The following SYNC variants were observed in gnomAD, a reference collection of about 807,000 sequenced individuals.
SYNC encodes syncoilin.
A neutral mutation model predicts 49.5 loss-of-function variants in SYNC; 38 were observed. The ratio of observed to expected loss-of-function variants is 0.77; its 90% CI spans 0.59 to 1.01. The LOEUF is 1.01. Among genes scored for constraint, SYNC ranks in the 50% least tolerant of loss-of-function variants. The pLI, the probability that SYNC is intolerant of heterozygous loss-of-function variation, is 0.00. For missense variants in SYNC, 579 were observed against 580.6 expected (o/e 1.00, Z 0.03); for synonymous variants, 201 against 230.8 (o/e 0.87, Z 1.17).
Position 32,695,325 on chromosome 1 carries a change from T to C in SYNC, c.773A>G (p.Tyr258Cys). The C allele has an allele frequency of 6.4e-7, 1 of 1,551,672 alleles. No individual in the cohort carries two copies. The highest frequency in any genetic ancestry group is 8.7e-7 in the Non-Finnish European group (1 of 1,147,060). Residue 258 changes from tyrosine to cysteine, a missense_variant, in exon 2 of 5, where the codon TAC (tyrosine) becomes TGC (cysteine). Tyr to Cys is a radical substitution (Grantham distance 194). Transcript: ENST00000409190. Reference sequence around the variant, plus strand: ...GTCCTGCTGGCGGCACTCCAGCTGGTATTGGTAGGCCACACATTCCTTTGT... The same window carrying C: ...GTCCTGCTGGCGGCACTCCAGCTGGCATTGGTAGGCCACACATTCCTTTGT... ...KVTKECVAYQYQLECRQQDVA... is the reference protein window; with the variant it reads ...KVTKECVAYQCQLECRQQDVA...
At chr1:32,693,383 A>C (rs1650261061) in intron 2 of SYNC, among the ~76,000 whole-genome samples, 1 of 152,180 alleles carries the variant, frequency 6.6e-6, no homozygotes, top group Non-Finnish European at 1.5e-5. Context: ...CCGCTCCCAG[A>C]CAGAGTGTTT....
In SYNC at chr1:32,695,782, TCTC is replaced by T. The variant is rs1650401906; in HGVS notation, c.313_315del (p.Glu105del). 6.4e-7 allele frequency: 1 copy of T among 1,551,640 alleles called. No homozygotes were observed. The highest frequency in any genetic ancestry group is 8.7e-7 in the Non-Finnish European group (1 of 1,146,998). On this transcript the variant is annotated inframe_deletion, in exon 2 of 5. Transcript: ENST00000409190. Reference sequence around the variant, plus strand: ...TCCGTGGTTTCCTCCACACACACTGTCTCCTCTGGATTCCCAGGCTCCTCCACA... The same window carrying T: ...TCCGTGGTTTCCTCCACACACACTGTCTCTGGATTCCCAGGCTCCTCCACA...
intron 2 of SYNC, chr1:32,685,350 T>C (rs601637): frequency 0.86 from 131,227 of 152,110 alleles, 58,136 homozygotes; most frequent in Non-Finnish European, 0.96. Context: ...AGCAAGTCAG[T>C]CTCTGGTTTA....
In SYNC at chr1:32,695,237, T is replaced by G; in HGVS notation, c.861A>C (p.Glu287Asp). The G allele has an allele frequency of 6.4e-7, 1 of 1,552,462 alleles. No individual in the cohort carries two copies. Among genetic ancestry groups the G allele is most frequent in the Non-Finnish European group, 8.7e-7 (1 of 1,147,352 alleles). Residue 287 changes from glutamate to aspartate, a missense_variant, in exon 2 of 5, where the codon GAA (glutamate) becomes GAC (aspartate). Glu to Asp is a conservative substitution (Grantham distance 45). Coordinates refer to ENST00000409190, the MANE Select transcript of SYNC (RefSeq NM_030786.3). Reference sequence around the variant, plus strand: ...GATAGGCATCCCGGAGCTGGGCCAGTTCCTCTGAGAGCTGGGTTGCCCTTG... The same window carrying G: ...GATAGGCATCCCGGAGCTGGGCCAGGTCCTCTGAGAGCTGGGTTGCCCTTG... Reference protein sequence around the residue: ...LTTRATQLSEELAQLRDAYQK... With the variant: ...LTTRATQLSEDLAQLRDAYQK...
intron 2 of SYNC, among the ~76,000 whole-genome samples, chr1:32,689,602 C>T (rs892633266): frequency 2.0e-5 from 3 of 151,898 alleles, no homozygotes; most frequent in South Asian, 4.1e-4. Flanking sequence ...ATAGAGGCAA[C>T]GTTAAGAGTG....
At chr1:32,684,537 G>T (rs1233567611) in intron 2 of SYNC, 155 bp from the exon 3 acceptor site, 2 of 1,140,544 alleles carry the variant, frequency 1.8e-6, no homozygotes, top group African/African-American at 1.6e-5. Flanking sequence ...CAGGTTCAAA[G>T]AAGTTGTGTC....
chr1:32,702,505 C>T lies in SYNC; in HGVS notation c.53+103G>A. On this transcript the variant is annotated intron_variant, in intron 1 of 4. Coordinates refer to ENST00000409190, the MANE Select transcript of SYNC (RefSeq NM_030786.3). The surrounding 1 kb of genome is among the most constrained non-coding windows in gnomAD (Gnocchi z 6.2). The stretch of plus-strand genomic sequence containing the variant: ...GTGCCCCACCCCGGCTGGACCACTA[C>T]CCCTAGACAGGCGAAAGACGCCCGC... The T allele has an allele frequency of 9.0e-7, 1 of 1,110,742 alleles. No homozygotes were observed. The allele number at this position is 1,110,742 out of a possible 1,614,324, so 68.8% of individuals were successfully genotyped here.
In SYNC at chr1:32,702,575, C is replaced by T; in HGVS notation, c.53+33G>A. 1.7e-6 allele frequency: 2 copies of T among 1,171,876 alleles called. No individual in the cohort carries two copies. Among genetic ancestry groups the T allele is most frequent in the Non-Finnish European group, 2.1e-6 (2 of 951,148 alleles). 72.6% of individuals were successfully genotyped at this position (1,171,876 alleles called of 1,614,324 possible). A position where few individuals can be genotyped will look rare whatever the true frequency, so the allele number is the denominator to read the frequency against. On this transcript the variant is annotated intron_variant, in intron 1 of 4. Coordinates refer to ENST00000409190, the MANE Select transcript of SYNC (RefSeq NM_030786.3). This position sits in a 1 kb window ranked among gnomAD's most constrained non-coding sequence, Gnocchi z 6.2. ...CCGTCCAGCAGCACCCCTTCCCCAG[C>T]GGGGCGGCGACGCGGGCCCGGCACT...
chr1:32,702,722 C>A lies in SYNC; in HGVS notation c.-62G>T. On this transcript the variant is annotated 5_prime_UTR_variant, in exon 1 of 5. Coordinates refer to ENST00000409190, the MANE Select transcript of SYNC (RefSeq NM_030786.3). This position sits in a 1 kb window ranked among gnomAD's most constrained non-coding sequence, Gnocchi z 6.2. ...TAGCCGGGCCCGCGGGCCCCTCGCT[C>A]CGGCGCCCGCGCCCGCCGCACTGCC... The A allele has an allele frequency of 9.1e-7, 1 of 1,098,256 alleles. No individual in the cohort carries two copies. The highest frequency in any genetic ancestry group is 4.4e-5 in the South Asian group (1 of 22,926). 68.0% of individuals were successfully genotyped at this position (1,098,256 alleles called of 1,614,324 possible).
At chr1:32,696,492 G>A (rs1650434572) in intron 1 of SYNC, among the ~76,000 whole-genome samples, 1 of 151,720 alleles carries the variant, frequency 6.6e-6, no homozygotes, top group African/African-American at 2.4e-5. Context: ...TCTGTTGCCA[G>A]GCTGGAATGC....
At position 32,684,289 on chromosome 1, in the gene SYNC, G is replaced by A. The variant is rs761344889; in HGVS notation, c.1327C>T (p.Leu443Phe). Residue 443 changes from leucine (L) to phenylalanine (F), a missense_variant, in exon 3 of 5, where the codon CTC becomes TTC. Transcript: ENST00000409190. ...GTAGAGAGCTCTTCAGCAAGACTGA[G>A]CCTTAGCTGTTCCATCTCTTTGTTC... ...QKNKEMEQLR[L>F]SLAEELSTYK... 2 of 1,614,204 alleles carry A rather than the reference G, an allele frequency of 1.2e-6. No homozygotes were observed. The highest frequency in any genetic ancestry group is 3.3e-5 in the Admixed American group (2 of 60,020).
rs775899082 is a variant in SYNC, at chr1:32,684,245, A to G, written c.1358+13T>C. 21 of 1,614,200 alleles carry G rather than the reference A, an allele frequency of 1.3e-5. No individual in the cohort carries two copies. In the South Asian group the frequency reaches 2.3e-4, roughly 18 times the overall value. On this transcript the variant is annotated intron_variant, in intron 3 of 4. Transcript: ENST00000409190. ...CAGTATTAGATGAGATTTGTATAGC[A>G]GCAGAAACTGACTTATAAGTAGAGA...
intron 4 of SYNC, chr1:32,683,612 G>A (rs1423754791): frequency 6.3e-6 from 1 of 158,536 alleles, no homozygotes; most frequent in Non-Finnish European, 1.4e-5. Context: ...GGCACACAAG[G>A]GTTTTTTGTT....
Position 32,695,273 on chromosome 1 carries a change from T to G in SYNC, c.825A>C (p.Glu275Asp). Residue 275 changes from glutamate to aspartate, a missense_variant, in exon 2 of 5, where the codon GAA (glutamate) becomes GAC (aspartate). Glu to Asp is a conservative substitution (Grantham distance 45). Transcript: ENST00000409190. ...GCTGGGTTGCCCTTGTAGTCAGCAC[T>G]TCCCGGAAATCGGCAAACTGAGCCA... ...QDVAQFADFREVLTTRATQLS... is the reference protein window; with the variant it reads ...QDVAQFADFRDVLTTRATQLS... The G allele has an allele frequency of 6.4e-7, 1 of 1,551,772 alleles. No homozygotes were observed. The highest frequency in any genetic ancestry group is 8.7e-7 in the Non-Finnish European group (1 of 1,147,088).
chr1:32,696,169 C>T (rs1033823719), intron 1 of SYNC, 125 bp from the exon 2 acceptor site: 4 of 736,898 alleles, frequency 5.4e-6, no homozygotes, highest in Non-Finnish European at 6.5e-6. Context: ...TCGTCTGCTC[C>T]CTCCACTCTG....
intron 1 of SYNC, among the ~76,000 whole-genome samples, chr1:32,700,918 A>G (rs547155324): frequency 6.6e-6 from 1 of 150,620 alleles, no homozygotes; most frequent in Non-Finnish European, 1.5e-5. Context: ...GTCACAATAT[A>G]CTTTTTTTTT....
chr1:32,694,107 T>C (rs1221785862), intron 2 of SYNC, among the ~76,000 whole-genome samples: 1 of 152,034 alleles, frequency 6.6e-6, no homozygotes, highest in Admixed American at 6.6e-5. Context: ...CACACACTTG[T>C]AGTCCCAGCT....
intron 2 of SYNC, among the ~76,000 whole-genome samples, chr1:32,688,963 G>A (rs189729493): frequency 2.0e-5 from 3 of 151,358 alleles, no homozygotes; most frequent in African/African-American, 4.8e-5. Flanking sequence ...TTTCTGAGAC[G>A]GAGTCTTGCT....
intron 4 of SYNC, chr1:32,682,121 GGA>G: frequency 2.2e-6 from 1 of 460,452 alleles, no homozygotes; most frequent in Non-Finnish European, 3.9e-6. Flanking sequence ...TCATTTCTTT[GGA>G]TTAGTCGTTG....
Sources: allele counts gnomAD v4.1 joint callset (sites outside exome capture counted in the v4.1 genomes callset), GRCh38; gene constraint gnomAD v4.1.1; non-coding constraint Gnocchi (gnomAD v3.1); transcripts MANE v1.5; gene names NCBI Gene and HGNC (gene_info 2026-07-23, HGNC 2026-07-21).